Variants in DNAH7 observed in about 807,000 individuals in gnomAD.
The protein encoded by DNAH7 is dynein axonemal heavy chain 7.
Under a neutral mutation model 444.6 loss-of-function variants are expected in DNAH7, and 397 were observed. The ratio of observed to expected loss-of-function variants is 0.89; its 90% CI spans 0.82 to 0.97. The LOEUF (loss-of-function observed/expected upper bound fraction) is 0.97. Ranked by LOEUF, DNAH7 falls within the 50% of genes least tolerant of loss-of-function variation. DNAH7 has a pLI of 0.00. For missense variants in DNAH7, 4,902 were observed against 4,800.8 expected (o/e 1.02, Z -0.62); for synonymous variants, 1,636 against 1,624.4 (o/e 1.01, Z -0.17).
At chr2:195,938,000 T>C (rs1004781957) in intron 19 of DNAH7, among the ~76,000 whole-genome samples, 1 of 152,150 alleles carries the variant, frequency 6.6e-6, no homozygotes, top group Non-Finnish European at 1.5e-5. Context: ...ACTAATTAGA[T>C]ATTTTTGGTA....
chr2:196,050,835 C>G (rs1262362667), intron 3 of DNAH7, among the ~76,000 whole-genome samples: 1 of 152,184 alleles, frequency 6.6e-6, no homozygotes, highest in African/African-American at 2.4e-5. Context: ...TTTTCAAACT[C>G]AGAAACTGAG....
chr2:195,992,430 T>C (rs1034999237), intron 12 of DNAH7, among the ~76,000 whole-genome samples: 1 of 152,230 alleles, frequency 6.6e-6, no homozygotes, highest in Non-Finnish European at 1.5e-5. Flanking sequence ...AAAGCACTAG[T>C]GTCATCTGTC....
Position 196,026,938 on chromosome 2 carries a change from T to TC in DNAH7, c.488dup (p.Tyr164IlefsTer10). The TC allele has an allele frequency of 6.3e-7, 1 of 1,579,480 alleles. No individual in the cohort carries two copies. Among genetic ancestry groups the TC allele is most frequent in the Non-Finnish European group, 8.6e-7 (1 of 1,161,842 alleles). On this transcript the variant is annotated frameshift_variant and splice_region_variant, in exon 7 of 65. Coordinates refer to ENST00000312428, the MANE Select transcript of DNAH7 (RefSeq NM_018897.3). LOFTEE classifies it high-confidence loss of function. ...TTCCATGGTGAATATAATAGTAATA[T>TC]CTCTACAAAAAGAAGATAGGAAAAA... is the stretch of plus-strand genomic sequence containing the variant.
chr2:196,004,962 C>CAAAAAAAA (rs60564090), intron 10 of DNAH7, among the ~76,000 whole-genome samples: 1 of 63,654 alleles, frequency 1.6e-5, no homozygotes, highest in East Asian at 4.1e-4. Context: ...GGCCTTGTGT[C>CAAAAAAAA]AAAAAAAAAA....
At chr2:195,766,167 A>ATT (rs755912873) in intron 61 of DNAH7, among the ~76,000 whole-genome samples, 7,120 of 57,254 alleles carry the variant, frequency 0.12, 1,716 homozygotes, top group Non-Finnish European at 0.16. Flanking sequence ...GTGGGAGCTA[A>ATT]TTTTTTTTTT....
intron 27 of DNAH7, chr2:195,901,864 T>G (rs986138829): frequency 6.6e-6 from 1 of 152,178 alleles, no homozygotes; most frequent in African/African-American, 2.4e-5. Context: ...TCATGATATT[T>G]AAAATACTGA....
chr2:196,034,807 A>G (rs1027062429), intron 5 of DNAH7, among the ~76,000 whole-genome samples: 1 of 152,228 alleles, frequency 6.6e-6, no homozygotes, highest in East Asian at 1.9e-4. Flanking sequence ...AAAAAATTGA[A>G]CATCAAACCG....
At chr2:195,768,910 T>C (rs1477403462) in intron 61 of DNAH7, among the ~76,000 whole-genome samples, 1 of 152,208 alleles carries the variant, frequency 6.6e-6, no homozygotes, top group Non-Finnish European at 1.5e-5. Flanking sequence ...GTATTGGATA[T>C]TGCCATTAAA....
intron 2 of DNAH7, 133 bp downstream of exon 2, chr2:196,057,921 A>G (rs1697908088): frequency 8.7e-6 from 6 of 690,804 alleles, no homozygotes; most frequent in Non-Finnish European, 1.3e-5. Flanking sequence ...CCTCCATCAG[A>G]AAAGAATCAA....
intron 8 of DNAH7, among the ~76,000 whole-genome samples, chr2:196,022,064 T>C (rs1184959026): frequency 1.3e-5 from 2 of 151,650 alleles, no homozygotes; most frequent in Admixed American, 1.3e-4. Flanking sequence ...GAGGCAGAGG[T>C]TGCAGTGAGC....
intron 54 of DNAH7, among the ~76,000 whole-genome samples, chr2:195,804,569 A>G (rs987267046): frequency 2.6e-5 from 4 of 152,224 alleles, no homozygotes; most frequent in Non-Finnish European, 5.9e-5. Flanking sequence ...CTGCAAAGTC[A>G]TCTGAGTCTT....
chr2:195,881,761 C>T, intron 36 of DNAH7, 34 bp downstream of exon 36: 1 of 1,582,226 alleles, frequency 6.3e-7, no homozygotes, highest in Non-Finnish European at 8.7e-7. Context: ...GAAGATTATG[C>T]ACAGTTTAAT....
chr2:195,886,263 G>A lies in DNAH7; in HGVS notation c.5416C>T (p.Pro1806Ser). 8 of 1,610,738 alleles carry A rather than the reference G, an allele frequency of 5.0e-6. No individual in the cohort carries two copies. The highest frequency in any genetic ancestry group is 1.1e-5 in the South Asian group (1 of 90,038). ...CGGACCAAGTTTGTATCGGAAGTAG[G>A]AGATAATTCCTGAAAAGTCAGTAAG... ...FIRKHTKELSPTSDTNLVRSL... is the reference protein window; with the variant it reads ...FIRKHTKELSSTSDTNLVRSL... The change falls in exon 34 of 65, where the codon CCT becomes TCT. Residue 1806 changes from proline (P) to serine (S), a missense_variant. Coordinates refer to ENST00000312428, the MANE Select transcript of DNAH7 (RefSeq NM_018897.3).
At chr2:195,810,181 C>T (rs1696898525) in intron 51 of DNAH7, among the ~76,000 whole-genome samples, 1 of 151,916 alleles carries the variant, frequency 6.6e-6, no homozygotes, top group South Asian at 2.1e-4. Context: ...ATCTACAAAG[C>T]ATTTCTGGGG....
intron 18 of DNAH7, among the ~76,000 whole-genome samples, chr2:195,959,687 A>G (rs981805245): frequency 3.3e-5 from 5 of 152,212 alleles, no homozygotes; most frequent in African/African-American, 7.2e-5. Context: ...TGTAAATTAC[A>G]AAAACTGGAA....
At chr2:196,025,646 C>T (rs1695635999) in intron 7 of DNAH7, among the ~76,000 whole-genome samples, 1 of 152,226 alleles carries the variant, frequency 6.6e-6, no homozygotes, top group Non-Finnish European at 1.5e-5. Flanking sequence ...TAGAGATGAC[C>T]TCTTCTCCCT....
At chr2:196,006,032 G>A (rs569306944) in intron 10 of DNAH7, among the ~76,000 whole-genome samples, 1 of 152,144 alleles carries the variant, frequency 6.6e-6, no homozygotes, top group African/African-American at 2.4e-5. Flanking sequence ...AGTATTATAT[G>A]ATCATATGTG....
chr2:195,972,240 A>T lies in DNAH7; in HGVS notation c.2058+2T>A. ...TGAAAATAAAATATCTAAGATGCCA[A>T]CCTTCAGACCTTCTTGATATTGTTC... On this transcript the variant is annotated splice_donor_variant, in intron 16 of 64. Transcript: ENST00000312428. LOFTEE classifies it high-confidence loss of function. 1 of 1,605,916 alleles carries T rather than the reference A, an allele frequency of 6.2e-7. No individual in the cohort carries two copies. Among genetic ancestry groups the T allele is most frequent in the South Asian group, 1.1e-5 (1 of 89,576 alleles).
At chr2:195,760,581 G>C (rs936479368) in intron 61 of DNAH7, among the ~76,000 whole-genome samples, 81 of 152,042 alleles carry the variant, frequency 5.3e-4, no homozygotes, top group African/African-American at 1.9e-3. Flanking sequence ...CAGAGAGAGA[G>C]AGAGTCCATG....
Sources: allele counts gnomAD v4.1 joint callset (sites outside exome capture counted in the v4.1 genomes callset), GRCh38; gene constraint gnomAD v4.1.1; transcripts MANE v1.5; gene names NCBI Gene and HGNC (gene_info 2026-07-23, HGNC 2026-07-21).